POFUT3: variants seen among roughly 807,000 people sequenced by gnomAD.
The protein encoded by POFUT3 is protein O-fucosyltransferase 3, also known as GDP-fucose protein O-fucosyltransferase 3.
chr8:33,360,092 G>C, the POFUT3 span, among the ~76,000 whole-genome samples: 5 of 152,040 alleles, frequency 3.3e-5, no homozygotes, highest in East Asian at 9.8e-4. Context: ...TGTCCGATAA[G>C]TGCCATTATA....
At chr8:33,349,212 A>G in the POFUT3 span, among the ~76,000 whole-genome samples, 2 of 152,186 alleles carry the variant, frequency 1.3e-5, no homozygotes, top group South Asian at 2.1e-4. Context: ...TTCCCCATTC[A>G]TGAATGTAGC....
chr8:33,339,477 TGGAA>T, the POFUT3 span, among the ~76,000 whole-genome samples: 1 of 152,060 alleles, frequency 6.6e-6, no homozygotes, highest in African/African-American at 2.4e-5. Flanking sequence ...TTTGGAACCC[TGGAA>T]GGAAACAAGA....
At chr8:33,415,194 G>A in the POFUT3 span, among the ~76,000 whole-genome samples, 2 of 151,994 alleles carry the variant, frequency 1.3e-5, no homozygotes, top group African/African-American at 4.8e-5. Flanking sequence ...CCCAGGAGGC[G>A]GAGCTTGGAA....
At chr8:33,436,525 TTG>T in the POFUT3 span, 2 of 1,117,140 alleles carry the variant, frequency 1.8e-6, no homozygotes, top group South Asian at 2.5e-5. Context: ...CCCATAAAGC[TTG>T]TGATGGTGCA....
the POFUT3 span, among the ~76,000 whole-genome samples, chr8:33,413,949 T>C: frequency 6.6e-6 from 1 of 152,184 alleles, no homozygotes; most frequent in Non-Finnish European, 1.5e-5. Flanking sequence ...TTGGGCACTC[T>C]GGTATGCTGA....
the POFUT3 span, among the ~76,000 whole-genome samples, chr8:33,355,252 GA>G: frequency 1.1e-4 from 17 of 152,220 alleles, no homozygotes; most frequent in Admixed American, 1.1e-3. Flanking sequence ...CTAAAGAAGG[GA>G]AAAACAGGCT....
At chr8:33,470,236 CAAAAAAAA>C in the POFUT3 span, among the ~76,000 whole-genome samples, 6 of 89,108 alleles carry the variant, frequency 6.7e-5, 1 homozygote, top group East Asian at 6.2e-4. Flanking sequence ...CCCATCTCTA[CAAAAAAAA>C]AAAAAAAAAA....
the POFUT3 span, among the ~76,000 whole-genome samples, chr8:33,379,286 C>T: frequency 4.0e-4 from 61 of 152,078 alleles, no homozygotes; most frequent in African/African-American, 1.4e-3. Context: ...TCCCTCCTCC[C>T]CAACCCACGC....
chr8:33,388,375 C>T, the POFUT3 span, among the ~76,000 whole-genome samples: 10 of 129,748 alleles, frequency 7.7e-5, no homozygotes, highest in South Asian at 2.6e-4. Flanking sequence ...CTCGCTCTGT[C>T]GCCCAGGCTG....
At chr8:33,437,440 G>A in the POFUT3 span, among the ~76,000 whole-genome samples, 1 of 151,670 alleles carries the variant, frequency 6.6e-6, no homozygotes, top group Admixed American at 6.6e-5. Flanking sequence ...TTTATTGGAG[G>A]GGAAAAAAAA....
chr8:33,349,710 T>C, the POFUT3 span, among the ~76,000 whole-genome samples: 1 of 152,350 alleles, frequency 6.6e-6, no homozygotes, highest in African/African-American at 2.4e-5. Context: ...TAGTTCCATA[T>C]TTTTGCAATT....
chr8:33,455,237 T>G, the POFUT3 span, among the ~76,000 whole-genome samples: 5 of 152,184 alleles, frequency 3.3e-5, no homozygotes, highest in Non-Finnish European at 7.4e-5. Flanking sequence ...AGAACCACAT[T>G]TTTAAATTTA....
At chr8:33,371,988 C>T in the POFUT3 span, 1 of 196,294 alleles carries the variant, frequency 5.1e-6, no homozygotes, top group African/African-American at 2.4e-5. Context: ...TAGGGCAAGG[C>T]ACAACTAAAG....
the POFUT3 span, chr8:33,436,808 A>G: frequency 2.2e-6 from 1 of 463,924 alleles, no homozygotes; most frequent in Non-Finnish European, 3.9e-6. Flanking sequence ...TTATTTTAGA[A>G]TCAGGATGTC....
At chr8:33,320,232 G>T in the POFUT3 span, among the ~76,000 whole-genome samples, 1 of 151,906 alleles carries the variant, frequency 6.6e-6, no homozygotes, top group Non-Finnish European at 1.5e-5. Flanking sequence ...ACATTTTTGT[G>T]TTCACTTCTC....
At chr8:33,344,174 T>C in the POFUT3 span, among the ~76,000 whole-genome samples, 1 of 152,218 alleles carries the variant, frequency 6.6e-6, no homozygotes, top group African/African-American at 2.4e-5. Context: ...CTATGCATGT[T>C]AAAATAAGTT....
the POFUT3 span, among the ~76,000 whole-genome samples, chr8:33,437,216 G>A: frequency 1.3e-5 from 2 of 152,006 alleles, no homozygotes; most frequent in Non-Finnish European, 2.9e-5. Flanking sequence ...ACAGTGCTAT[G>A]ATGAACATGC....
At chr8:33,468,251 A>G in the POFUT3 span, among the ~76,000 whole-genome samples, 2,366 of 144,170 alleles carry the variant, frequency 0.016, 81 homozygotes, top group African/African-American at 0.062. Context: ...AAAAAAAAAA[A>G]AAAAAAGAAG....
chr8:33,326,444 A>C, the POFUT3 span, among the ~76,000 whole-genome samples: 2 of 152,228 alleles, frequency 1.3e-5, no homozygotes, highest in Non-Finnish European at 2.9e-5. Context: ...TCATATATTC[A>C]GTATTACATA....
Sources: gnomAD v4.1 joint callset for allele counts (sites outside exome capture counted in the v4.1 genomes callset) on GRCh38, gnomAD v4.1.1 for gene constraint, MANE v1.5 for transcripts, NCBI Gene and HGNC (gene_info 2026-07-23, HGNC 2026-07-21) for gene names.